Variants in FAM107B observed in about 807,000 individuals in gnomAD.
FAM107B encodes the protein family with sequence similarity 107 member B.
FAM107B carries 21 observed loss-of-function variants against 31.5 expected under a neutral mutation model. The ratio of observed to expected loss-of-function variants is 0.67; its 90% CI spans 0.47 to 0.96. The LOEUF (loss-of-function observed/expected upper bound fraction) is 0.96, where lower values mean the gene tolerates loss of function less well. FAM107B is among the 40% of genes least tolerant of loss of function. FAM107B has a pLI of 0.00. For synonymous variants in FAM107B, 157 were observed against 141.5 expected (o/e 1.11, Z -0.78); for missense variants, 452 against 377.1 (o/e 1.20, Z -1.64).
intron 2 of FAM107B, among the ~76,000 whole-genome samples, chr10:14,658,290 T>TACAACCCCCATCATCTACAA (rs1854126182): frequency 1.3e-5 from 2 of 152,144 alleles, no homozygotes; most frequent in African/African-American, 4.8e-5. Context: ...CAGGAGCATT[T>TACAACCCCCATCATCTACAA]CCCCTAAGAA....
intron 2 of FAM107B, among the ~76,000 whole-genome samples, chr10:14,558,392 A>T (rs184806073): frequency 6.6e-6 from 1 of 152,202 alleles, no homozygotes; most frequent in African/African-American, 2.4e-5. Flanking sequence ...AAATTATTTC[A>T]CCCTGAGGTG....
At chr10:14,658,808 A>C (rs1020852011) in intron 2 of FAM107B, among the ~76,000 whole-genome samples, 7 of 152,244 alleles carry the variant, frequency 4.6e-5, no homozygotes, top group African/African-American at 1.4e-4. Context: ...GGCATTCATT[A>C]TGTTTGCAGC....
intron 1 of FAM107B, among the ~76,000 whole-genome samples, chr10:14,746,385 G>A (rs1832727128): frequency 6.6e-6 from 1 of 152,158 alleles, no homozygotes; most frequent in Admixed American, 6.5e-5. Flanking sequence ...TTGCTTCATA[G>A]TGTCACTGTT....
At chr10:14,712,626 A>AG (rs1554851692) in intron 1 of FAM107B, among the ~76,000 whole-genome samples, 1 of 146,956 alleles carries the variant, frequency 6.8e-6, no homozygotes, top group Middle Eastern at 3.5e-3. Context: ...AACAAAAAAA[A>AG]AAGAAGAAGA....
chr10:14,731,141 A>G lies in FAM107B; in HGVS notation c.411+43112T>C, dbSNP rs550287641. ...GGATAATGGTACCCAAACATCCAAC[A>G]ATCCATTGGTCCATTTATTGAGTAC... On this transcript the variant is annotated intron_variant, in intron 1 of 4. Coordinates refer to ENST00000181796, the MANE Select transcript of FAM107B (RefSeq NM_031453.4). 3.9e-5 allele frequency among the ~76,000 whole-genome samples: 6 copies of G among 152,308 alleles called. No homozygotes were observed. In the South Asian group the frequency reaches 1.2e-3, roughly 32 times the overall value.
intron 2 of FAM107B, among the ~76,000 whole-genome samples, chr10:14,579,454 T>A: frequency 6.6e-6 from 1 of 152,208 alleles, no homozygotes; most frequent in East Asian, 1.9e-4. Context: ...ACAATTAGAA[T>A]AAACAGAGGA....
intron 2 of FAM107B, among the ~76,000 whole-genome samples, chr10:14,617,534 C>T (rs942889575): frequency 2.0e-5 from 3 of 152,094 alleles, no homozygotes; most frequent in Admixed American, 6.6e-5. Flanking sequence ...TTAAGATATC[C>T]TAATTTCACA....
At chr10:14,624,339 T>C (rs1447580191) in intron 2 of FAM107B, among the ~76,000 whole-genome samples, 1 of 152,190 alleles carries the variant, frequency 6.6e-6, no homozygotes, top group African/African-American at 2.4e-5. Context: ...GTCACGGCTT[T>C]GTCTATCCTG....
intron 1 of FAM107B, among the ~76,000 whole-genome samples, chr10:14,765,249 G>A (rs1374883740): frequency 2.0e-5 from 3 of 152,132 alleles, no homozygotes; most frequent in African/African-American, 7.2e-5. Context: ...TTATGTCTTA[G>A]CTTGGAATAT....
At chr10:14,742,138 G>T (rs773858446) in intron 1 of FAM107B, among the ~76,000 whole-genome samples, 9 of 152,028 alleles carry the variant, frequency 5.9e-5, no homozygotes, top group Non-Finnish European at 1.0e-4. Context: ...TTGAGAAAGG[G>T]TCTTGCTCTC....
At chr10:14,762,754 T>TCTCACA (rs1833077989) in intron 1 of FAM107B, among the ~76,000 whole-genome samples, 2 of 116,170 alleles carry the variant, frequency 1.7e-5, no homozygotes, top group South Asian at 6.4e-4. Context: ...AAACTCTGTC[T>TCTCACA]CACACACACA....
chr10:14,721,088 T>C (rs1280117430), intron 1 of FAM107B, among the ~76,000 whole-genome samples: 3 of 151,828 alleles, frequency 2.0e-5, no homozygotes, highest in Non-Finnish European at 2.9e-5. Flanking sequence ...AGTGAGAACA[T>C]GCGGTGTTTT....
intron 1 of FAM107B, among the ~76,000 whole-genome samples, chr10:14,767,095 G>GAGAGAGAC (rs1833196177): frequency 8.8e-6 from 1 of 113,496 alleles, no homozygotes; most frequent in Non-Finnish European, 1.7e-5. Flanking sequence ...GAGAGAGAGA[G>GAGAGAGAC]AGAGACAGAG....
chr10:14,558,041 G>A (rs1849854524), intron 2 of FAM107B, among the ~76,000 whole-genome samples: 1 of 152,216 alleles, frequency 6.6e-6, no homozygotes, highest in African/African-American at 2.4e-5. Flanking sequence ...CTCCCCGTGA[G>A]TCCAGGTAAT....
intron 2 of FAM107B, among the ~76,000 whole-genome samples, chr10:14,664,690 A>C (rs191247231): frequency 6.6e-6 from 1 of 152,322 alleles, no homozygotes; most frequent in East Asian, 1.9e-4. Context: ...TTGCCTAGTG[A>C]CACATTTCTC....
chr10:14,556,387 C>A, intron 2 of FAM107B: 1 of 985,490 alleles, frequency 1.0e-6, no homozygotes, highest in African/African-American at 1.7e-5. Context: ...CTGTTCAGGG[C>A]TTGACCAGGA....
chr10:14,570,503 A>G (rs1851124288), intron 2 of FAM107B, among the ~76,000 whole-genome samples: 1 of 152,164 alleles, frequency 6.6e-6, no homozygotes, highest in African/African-American at 2.4e-5. Flanking sequence ...TAACCAAGGA[A>G]TAAGAAGCAA....
chr10:14,622,377 G>A (rs868516444), intron 2 of FAM107B, among the ~76,000 whole-genome samples: 38 of 148,428 alleles, frequency 2.6e-4, no homozygotes, highest in African/African-American at 5.7e-4. Flanking sequence ...GTGTGATCTC[G>A]GCTCACTGCA....
chr10:14,627,962 G>A (rs942576093), intron 2 of FAM107B, among the ~76,000 whole-genome samples: 1 of 152,000 alleles, frequency 6.6e-6, no homozygotes, highest in African/African-American at 2.4e-5. Flanking sequence ...AGGGCTTAGG[G>A]CAGAAGACAC....
Sources: gnomAD v4.1 joint callset for allele counts (sites outside exome capture counted in the v4.1 genomes callset) on GRCh38, gnomAD v4.1.1 for gene constraint, MANE v1.5 for transcripts, NCBI Gene and HGNC (gene_info 2026-07-23, HGNC 2026-07-21) for gene names.